The following FARS2 variants were observed in gnomAD, a reference collection of about 807,000 sequenced individuals.
The protein encoded by FARS2 is phenylalanyl-tRNA synthetase 2, mitochondrial, also known as phenylalanine--tRNA ligase, mitochondrial.
FARS2 carries 40 observed loss-of-function variants against 46.4 expected under a neutral mutation model. That is an observed-to-expected ratio of 0.86 (90% CI 0.67 to 1.12). The LOEUF (loss-of-function observed/expected upper bound fraction) is 1.12, where lower values mean the gene tolerates loss of function less well. Ranked by LOEUF, FARS2 falls within the 50% of genes most tolerant of loss-of-function variation. The probability of loss-of-function intolerance (pLI) is 0.00; values close to 1 mark genes in which losing one functional copy is unlikely to be tolerated. For missense variants in FARS2, 513 were observed against 567.9 expected (o/e 0.90, Z 0.98); for synonymous variants, 234 against 214.9 (o/e 1.09, Z -0.78).
chr6:5,318,790 C>T (rs1356331598), intron 1 of FARS2, among the ~76,000 whole-genome samples: 12 of 151,986 alleles, frequency 7.9e-5, no homozygotes, highest in East Asian at 1.9e-4. Flanking sequence ...AGAGTAGGTC[C>T]GCAACCAGTC....
At chr6:5,515,478 G>T (rs1000181229) in intron 4 of FARS2, among the ~76,000 whole-genome samples, 1 of 152,016 alleles carries the variant, frequency 6.6e-6, no homozygotes, top group African/African-American at 2.4e-5. Flanking sequence ...ACCCAGGCTG[G>T]AGTGCAGTGA....
upstream of FARS2, among the ~76,000 whole-genome samples, chr6:5,257,595 G>A (rs1764739287): frequency 6.6e-6 from 1 of 152,214 alleles, no homozygotes; most frequent in African/African-American, 2.4e-5. Flanking sequence ...TGAGCGGTGG[G>A]TGAGTGCGCA....
chr6:5,567,721 G>A lies in FARS2; in HGVS notation c.1065+22381G>A, dbSNP rs146900339. On this transcript the variant is annotated intron_variant, in intron 5 of 6. Coordinates refer to ENST00000274680, the MANE Select transcript of FARS2 (RefSeq NM_006567.5). ...TCTGCCCATGTTTATGCATATATAC[G>A]ACATACAGTCAAATCCATCCCCAAC... Among the ~76,000 whole-genome samples the A allele has an allele frequency of 4.9e-3, 750 of 152,268 alleles. 21 individuals carry two copies. Among genetic ancestry groups the A allele is most frequent in the East Asian group, 0.033 (170 of 5,184 alleles).
At chr6:5,547,453 T>G (rs1771104060) in intron 5 of FARS2, among the ~76,000 whole-genome samples, 1 of 152,142 alleles carries the variant, frequency 6.6e-6, no homozygotes, top group South Asian at 2.1e-4. Context: ...AGTCTTATGC[T>G]TTCTACCTTC....
chr6:5,546,155 G>T (rs1770972586), intron 5 of FARS2, among the ~76,000 whole-genome samples: 1 of 151,514 alleles, frequency 6.6e-6, no homozygotes, highest in African/African-American at 2.4e-5. Flanking sequence ...CTAAATAGAG[G>T]TCCATAAACA....
At chr6:5,492,560 T>C (rs1435294820) in intron 4 of FARS2, among the ~76,000 whole-genome samples, 1 of 152,244 alleles carries the variant, frequency 6.6e-6, no homozygotes, top group Non-Finnish European at 1.5e-5. Flanking sequence ...TGTCAGCAAA[T>C]ATTTATTGAG....
At chr6:5,260,440 T>C (rs1477190027), upstream of FARS2, among the ~76,000 whole-genome samples, 1 of 152,190 alleles carries the variant, frequency 6.6e-6, no homozygotes, top group South Asian at 2.1e-4. Context: ...ACGTCTCCCC[T>C]GGTAGAAAGA....
intron 4 of FARS2, among the ~76,000 whole-genome samples, chr6:5,453,967 A>T (rs892642713): frequency 2.6e-5 from 4 of 152,192 alleles, no homozygotes; most frequent in Non-Finnish European, 5.9e-5. Context: ...GGGCTGGAGG[A>T]GCCGAGGGAG....
the FARS2 span, among the ~76,000 whole-genome samples, chr6:5,251,695 G>A: frequency 3.9e-5 from 6 of 152,172 alleles, no homozygotes; most frequent in Non-Finnish European, 8.8e-5. Flanking sequence ...ACGGGGGATT[G>A]CATTTCAGCA....
intron 1 of FARS2, among the ~76,000 whole-genome samples, chr6:5,362,917 T>A (rs1013307294): frequency 3.9e-5 from 5 of 127,752 alleles, no homozygotes; most frequent in Non-Finnish European, 8.4e-5. Context: ...TTGCCCATTT[T>A]TCTTTCTTTC....
At chr6:5,375,819 T>C (rs1048734105) in intron 2 of FARS2, among the ~76,000 whole-genome samples, 1 of 152,154 alleles carries the variant, frequency 6.6e-6, no homozygotes, top group African/African-American at 2.4e-5. Flanking sequence ...ATCAAATGGA[T>C]GGATTAATAA....
intron 6 of FARS2, among the ~76,000 whole-genome samples, chr6:5,749,130 C>G (rs1047642328): frequency 6.6e-6 from 1 of 152,216 alleles, no homozygotes; most frequent in Non-Finnish European, 1.5e-5. Flanking sequence ...CGGGCCCAGT[C>G]CTCTCCTCCC....
rs1757717696 is a variant in FARS2 at position 5,353,679 on chromosome 6, ATG to A, written c.-21-14869_-21-14868del. ...TTTCATATATCTGTTGGCCATTTGTATGTCTCTTCAGATTTTTTTACCTGTTT... is the reference window on the plus strand; with the variant it reads ...TTTCATATATCTGTTGGCCATTTGTATCTCTTCAGATTTTTTTACCTGTTT... On this transcript the variant is annotated intron_variant, in intron 1 of 6. Coordinates refer to ENST00000274680, the MANE Select transcript of FARS2 (RefSeq NM_006567.5). 3.2e-5 allele frequency among the ~76,000 whole-genome samples: 3 copies of A among 94,902 alleles called. No individual in the cohort carries two copies. The South Asian group carries it at 9.8e-4, about 31-fold the overall frequency. 62.3% of individuals were successfully genotyped at this position (94,902 alleles called of 152,430 possible).
Position 5,640,296 on chromosome 6 carries a change from G to A in FARS2, c.1217+26976G>A, listed in dbSNP as rs114800308. 7.6e-3 allele frequency among the ~76,000 whole-genome samples: 1,151 copies of A among 152,290 alleles called. 14 individuals are homozygous for A. The highest frequency in any genetic ancestry group is 0.026 in the African/African-American group (1,062 of 41,556). Reference sequence around the variant, plus strand: ...CTGTGGGAGGACCAAGGCTCAGAGCGTCTGACTTACGGGTTTAAGGTCTCA... The same window carrying A: ...CTGTGGGAGGACCAAGGCTCAGAGCATCTGACTTACGGGTTTAAGGTCTCA... On this transcript the variant is annotated intron_variant, in intron 6 of 6. Transcript: ENST00000274680.
At chr6:5,611,220 A>G (rs141370776) in intron 5 of FARS2, among the ~76,000 whole-genome samples, 1 of 152,366 alleles carries the variant, frequency 6.6e-6, no homozygotes, top group East Asian at 1.9e-4. Context: ...CTGTGAGGAT[A>G]CCAAGTGAAC....
chr6:5,693,030 T>C (rs904388437), intron 6 of FARS2, among the ~76,000 whole-genome samples: 3 of 152,220 alleles, frequency 2.0e-5, no homozygotes, highest in African/African-American at 7.2e-5. Context: ...TGTTAGACTT[T>C]GTATTAGAGA....
At chr6:5,576,263 C>T (rs1054777829) in intron 5 of FARS2, among the ~76,000 whole-genome samples, 1 of 151,988 alleles carries the variant, frequency 6.6e-6, no homozygotes, top group Non-Finnish European at 1.5e-5. Flanking sequence ...AGTCAGTGGG[C>T]TAGGAAAGGC....
At chr6:5,474,410 CAACAGGG>C (rs1765989764) in intron 4 of FARS2, among the ~76,000 whole-genome samples, 1 of 152,122 alleles carries the variant, frequency 6.6e-6, no homozygotes, top group Admixed American at 6.6e-5. Context: ...CATCACTTAA[CAACAGGG>C]ATGCATTCTG....
In FARS2 at chr6:5,757,616, C is replaced by T. The variant is rs114630748; in HGVS notation, c.1218-13675C>T. Among the ~76,000 whole-genome samples the T allele has an allele frequency of 2.4e-3, 359 of 152,268 alleles. 3 individuals carry two copies. Among genetic ancestry groups the T allele is most frequent in the African/African-American group, 8.3e-3 (343 of 41,554 alleles). ...GGTGGGATATAGCTGAGACGTTGACCGCAAACGTCAGATAATGTTTTCTAG... is the reference window on the plus strand; with the variant it reads ...GGTGGGATATAGCTGAGACGTTGACTGCAAACGTCAGATAATGTTTTCTAG... On this transcript the variant is annotated intron_variant, in intron 6 of 6. Coordinates refer to ENST00000274680, the MANE Select transcript of FARS2 (RefSeq NM_006567.5).
Sources: allele counts gnomAD v4.1 joint callset (sites outside exome capture counted in the v4.1 genomes callset), GRCh38; gene constraint gnomAD v4.1.1; transcripts MANE v1.5; gene names NCBI Gene and HGNC (gene_info 2026-07-23, HGNC 2026-07-21).